The following RGS20 variants were observed in gnomAD, a reference collection of about 807,000 sequenced individuals.
RGS20 encodes the protein regulator of G protein signaling 20.
A neutral mutation model predicts 33.6 loss-of-function variants in RGS20; 30 were observed. The observed-to-expected ratio is 0.89, with a 90% CI of 0.67 to 1.21. The LOEUF (loss-of-function observed/expected upper bound fraction) is 1.21. Among genes scored for constraint, RGS20 ranks in the 50% most tolerant of loss-of-function variants. RGS20 has a pLI of 0.00. For synonymous variants in RGS20, 208 were observed against 197.9 expected, an observed-to-expected ratio of 1.05 and a Z score of -0.43; for missense variants, 472 against 502.4, an observed-to-expected ratio of 0.94 and a Z score of 0.58.
chr8:53,881,996 C>T (rs1321563363), intron 2 of RGS20, among the ~76,000 whole-genome samples: 3 of 152,034 alleles, frequency 2.0e-5, no homozygotes, highest in Non-Finnish European at 4.4e-5. Flanking sequence ...CGCGGCTGTC[C>T]TCCAGCGCTG....
At chr8:53,856,361 G>C (rs182831389) in intron 1 of RGS20, among the ~76,000 whole-genome samples, 1 of 151,764 alleles carries the variant, frequency 6.6e-6, no homozygotes, top group Non-Finnish European at 1.5e-5. Context: ...GACTAAAAAC[G>C]TCCACAATTA....
intron 2 of RGS20, among the ~76,000 whole-genome samples, chr8:53,918,389 T>C (rs1011447214): frequency 6.7e-6 from 1 of 148,522 alleles, no homozygotes; most frequent in Non-Finnish European, 1.5e-5. Context: ...TCTTTTTTTT[T>C]CTTTCTTCCT....
At chr8:53,919,120 C>G (rs974216862) in intron 2 of RGS20, among the ~76,000 whole-genome samples, 1 of 152,196 alleles carries the variant, frequency 6.6e-6, no homozygotes, top group Non-Finnish European at 1.5e-5. Flanking sequence ...AATAGTATTT[C>G]ATTGTGGTAG....
chr8:53,893,384 T>G (rs1812769504), intron 2 of RGS20, among the ~76,000 whole-genome samples: 1 of 152,178 alleles, frequency 6.6e-6, no homozygotes, highest in South Asian at 2.1e-4. Context: ...ATGAAAATAG[T>G]AAACCTGGAG....
intron 5 of RGS20, among the ~76,000 whole-genome samples, chr8:53,954,624 A>T (rs1814808153): frequency 6.6e-6 from 1 of 151,510 alleles, no homozygotes; most frequent in South Asian, 2.1e-4. Context: ...AGATTGTGCC[A>T]TTGCACTCCA....
intron 1 of RGS20, among the ~76,000 whole-genome samples, chr8:53,866,581 C>T (rs1811924376): frequency 6.6e-6 from 1 of 151,964 alleles, no homozygotes; most frequent in African/African-American, 2.4e-5. Flanking sequence ...GGGGTTTCAC[C>T]ATTTTGGCCA....
At chr8:53,909,571 T>A (rs984491044) in intron 2 of RGS20, among the ~76,000 whole-genome samples, 4 of 151,980 alleles carry the variant, frequency 2.6e-5, no homozygotes, top group Admixed American at 1.3e-4. Context: ...CTATTTTTTT[T>A]AAAGGCTGTT....
chr8:53,957,741 C>A (rs1015083841), intron 5 of RGS20, among the ~76,000 whole-genome samples: 1 of 152,250 alleles, frequency 6.6e-6, no homozygotes, highest in African/African-American at 2.4e-5. Context: ...CTCTCACAAG[C>A]CCTCTGGAGC....
chr8:53,902,595 A>T (rs1439535297), intron 2 of RGS20, among the ~76,000 whole-genome samples: 2 of 152,078 alleles, frequency 1.3e-5, no homozygotes, highest in Non-Finnish European at 2.9e-5. Flanking sequence ...TTGTGTGGGG[A>T]TGTGCATGCC....
intron 1 of RGS20, among the ~76,000 whole-genome samples, chr8:53,860,087 A>G (rs145201956): frequency 1.2e-3 from 183 of 152,364 alleles, no homozygotes; most frequent in African/African-American, 4.3e-3. Context: ...TGTGTCACTT[A>G]AGAGTTTATT....
At chr8:53,888,286 GTGTT>G (rs1475629878) in intron 2 of RGS20, among the ~76,000 whole-genome samples, 1 of 152,152 alleles carries the variant, frequency 6.6e-6, no homozygotes, top group African/African-American at 2.4e-5. Flanking sequence ...AAGTTTTTCT[GTGTT>G]TGTTAGGTTT....
intron 2 of RGS20, among the ~76,000 whole-genome samples, chr8:53,894,160 T>C (rs1478116428): frequency 6.6e-6 from 1 of 152,226 alleles, no homozygotes; most frequent in Non-Finnish European, 1.5e-5. Context: ...CCTGGGTCTC[T>C]GTGTCCAACT....
chr8:53,880,843 T>C (rs926674094), intron 2 of RGS20, 29 bp from the exon 1 acceptor site: 14 of 1,326,204 alleles, frequency 1.1e-5, no homozygotes, highest in Non-Finnish European at 1.3e-5. Context: ...CCCGGCCGGG[T>C]AAAAGGAGTG....
At chr8:53,861,866 T>C (rs1811815479) in intron 1 of RGS20, among the ~76,000 whole-genome samples, 2 of 152,232 alleles carry the variant, frequency 1.3e-5, no homozygotes, top group Admixed American at 1.3e-4. Flanking sequence ...ACCAACTTAT[T>C]AGCATCATTA....
intron 1 of RGS20, among the ~76,000 whole-genome samples, chr8:53,871,608 G>T (rs1439799001): frequency 1.3e-5 from 2 of 149,018 alleles, no homozygotes; most frequent in African/African-American, 2.6e-5. Flanking sequence ...CAGAGTGAGA[G>T]TCCATCTCAA....
chr8:53,873,662 T>C (rs1656086786), intron 1 of RGS20, among the ~76,000 whole-genome samples: 1 of 152,360 alleles, frequency 6.6e-6, no homozygotes, highest in South Asian at 2.1e-4. Context: ...CCAAGCACTT[T>C]TCTAGATTCT....
intron 4 of RGS20, among the ~76,000 whole-genome samples, chr8:53,948,360 A>C (rs1460600175): frequency 7.1e-6 from 1 of 141,612 alleles, no homozygotes; most frequent in Non-Finnish European, 1.5e-5. Flanking sequence ...TATGCTATAT[A>C]TAAGACACAG....
At chr8:53,929,660 C>G (rs1490530622) in intron 2 of RGS20, among the ~76,000 whole-genome samples, 1 of 152,098 alleles carries the variant, frequency 6.6e-6, no homozygotes, top group Non-Finnish European at 1.5e-5. Flanking sequence ...AAGAGCAAAA[C>G]TACATATCAA....
intron 1 of RGS20, among the ~76,000 whole-genome samples, chr8:53,868,363 T>G (rs1458865387): frequency 6.6e-6 from 1 of 152,126 alleles, no homozygotes; most frequent in African/African-American, 2.4e-5. Context: ...ACAATGACTA[T>G]GTCTCCTGGA....
Sources: gnomAD v4.1 joint callset for allele counts (sites outside exome capture counted in the v4.1 genomes callset) on GRCh38, gnomAD v4.1.1 for gene constraint, MANE v1.5 for transcripts, NCBI Gene and HGNC (gene_info 2026-07-23, HGNC 2026-07-21) for gene names.